Variants in SHROOM3 observed in about 807,000 individuals in gnomAD.
SHROOM3 encodes the protein protein Shroom3.
A neutral mutation model predicts 138.6 loss-of-function variants in SHROOM3; 47 were observed. The ratio of observed to expected loss-of-function variants is 0.34; its 90% confidence interval spans 0.27 to 0.43. SHROOM3 has a LOEUF of 0.43. Among genes scored for constraint, SHROOM3 ranks in the 20% least tolerant of loss-of-function variants. The pLI, the probability that SHROOM3 is intolerant of heterozygous loss-of-function variation, is 1.00. For synonymous variants in SHROOM3, 1,062 were observed against 1,063.3 expected, an observed-to-expected ratio of 1.00 and a Z score of 0.02; for missense variants, 2,491 against 2,596.5, an observed-to-expected ratio of 0.96 and a Z score of 0.88.
At chr4:76,709,784 A>G (rs1450122467) in intron 2 of SHROOM3, 1 of 282,976 alleles carries the variant, frequency 3.5e-6, no homozygotes, top group African/African-American at 2.3e-5. Context: ...CTCGTTTGAC[A>G]GTTTGCTTCA....
chr4:76,628,093 A>C (rs933071003), intron 2 of SHROOM3, among the ~76,000 whole-genome samples: 1 of 152,234 alleles, frequency 6.6e-6, no homozygotes, highest in African/African-American at 2.4e-5. Flanking sequence ...ATGAAAAGGC[A>C]TTGAAAATAT....
Position 76,741,813 on chromosome 4 carries a change from G to T in SHROOM3, c.3640G>T (p.Ala1214Ser). Residue 1214 changes from alanine (A) to serine (S), a missense_variant, in exon 5 of 11, where the codon GCC becomes TCC. Around this residue, in one of 4 missense-constraint regions of SHROOM3, gnomAD observed 1,733 missense variants for 1,661.6 expected, o/e 1.04. Transcript: ENST00000296043. This position sits in a 1 kb window ranked among gnomAD's most constrained non-coding sequence, Gnocchi z 6.2. Reference sequence around the variant, plus strand: ...CCCCAGGGAGCCATCCTCCTGGGGGGCCAGGGCCGGGAAGTCCATGTCGGC... The same window carrying T: ...CCCCAGGGAGCCATCCTCCTGGGGGTCCAGGGCCGGGAAGTCCATGTCGGC... ...ETPREPSSWGARAGKSMSAED... is the reference protein window; with the variant it reads ...ETPREPSSWGSRAGKSMSAED... 1.3e-6 allele frequency: 2 copies of T among 1,588,434 alleles called. No individual in the cohort carries two copies. Among genetic ancestry groups the T allele is most frequent in the East Asian group, 4.6e-5 (2 of 43,844 alleles).
chr4:76,703,752 T>G (rs1218788299), intron 2 of SHROOM3, among the ~76,000 whole-genome samples: 3 of 152,088 alleles, frequency 2.0e-5, no homozygotes, highest in Non-Finnish European at 4.4e-5. Context: ...GAACGTGGCT[T>G]TAAATAAGAC....
At chr4:76,663,522 C>G (rs1262003900) in intron 2 of SHROOM3, among the ~76,000 whole-genome samples, 1 of 152,086 alleles carries the variant, frequency 6.6e-6, no homozygotes, top group Non-Finnish European at 1.5e-5. Flanking sequence ...AGCAAAGAAG[C>G]CCAATCTCTC....
In SHROOM3 at chr4:76,589,206, G is replaced by A. The variant is rs562139678; in HGVS notation, c.323+33443G>A. 3.3e-5 allele frequency among the ~76,000 whole-genome samples: 5 copies of A among 152,330 alleles called. No individual in the cohort carries two copies. The East Asian group carries it at 7.7e-4, about 23-fold the overall frequency. On this transcript the variant is annotated intron_variant, in intron 2 of 10. Coordinates refer to ENST00000296043, the MANE Select transcript of SHROOM3 (RefSeq NM_020859.4). ...CTCCTAGCTGGGTGCGGTGGCTGAC[G>A]CCTGTAATCCCAGCACTTTGGGAGG... is the stretch of plus-strand genomic sequence containing the variant.
intron 9 of SHROOM3, among the ~76,000 whole-genome samples, chr4:76,760,356 T>C (rs1721951240): frequency 6.6e-6 from 1 of 152,194 alleles, no homozygotes; most frequent in African/African-American, 2.4e-5. Flanking sequence ...GGGCTGTGTC[T>C]GCAGGGGAGA....
Position 76,544,677 on chromosome 4 carries a change from G to A in SHROOM3, c.169-10932G>A, listed in dbSNP as rs144808168. ...CTCCCAAAGTGCTGGGATTACAGGC[G>A]TGAGCCACTGCACCTGGCTGGTTTA... On this transcript the variant is annotated intron_variant, in intron 1 of 10. Transcript: ENST00000296043. Among the ~76,000 whole-genome samples the A allele has an allele frequency of 6.2e-3, 938 of 152,230 alleles. 6 individuals carry two copies. Among genetic ancestry groups the A allele is most frequent in the South Asian group, 0.02 (95 of 4,822 alleles).
At chr4:76,436,866 G>A (rs905504982) in intron 1 of SHROOM3, among the ~76,000 whole-genome samples, 3 of 152,104 alleles carry the variant, frequency 2.0e-5, no homozygotes, top group Non-Finnish European at 2.9e-5. Flanking sequence ...ATGTACTGGG[G>A]TTAATATTTC....
intron 1 of SHROOM3, among the ~76,000 whole-genome samples, chr4:76,467,207 T>C (rs1482946337): frequency 6.6e-6 from 1 of 152,080 alleles, no homozygotes; most frequent in Non-Finnish European, 1.5e-5. Context: ...CAGACCCAGC[T>C]AATTTTTTTA....
At chr4:76,484,599 A>G (rs540222857) in intron 1 of SHROOM3, among the ~76,000 whole-genome samples, 2 of 148,516 alleles carry the variant, frequency 1.3e-5, no homozygotes, top group South Asian at 2.1e-4. Flanking sequence ...AAACAAACAA[A>G]CAAACAAACA....
chr4:76,646,904 C>T (rs147649375), intron 2 of SHROOM3, among the ~76,000 whole-genome samples: 1 of 152,276 alleles, frequency 6.6e-6, no homozygotes, highest in East Asian at 1.9e-4. Flanking sequence ...TTTGAGCCAG[C>T]AATCCCACTA....
chr4:76,657,190 G>A (rs200360069), intron 2 of SHROOM3, among the ~76,000 whole-genome samples: 2 of 144,870 alleles, frequency 1.4e-5, no homozygotes, highest in African/African-American at 5.3e-5. Context: ...TCTCTCTCTC[G>A]CTCTCTCTCT....
chr4:76,571,949 C>G (rs907757523), intron 2 of SHROOM3, among the ~76,000 whole-genome samples: 4 of 152,098 alleles, frequency 2.6e-5, no homozygotes, highest in African/African-American at 9.7e-5. Context: ...TGTCTTTGTG[C>G]TCTGCTATTA....
chr4:76,724,678 T>C (rs1254247904), intron 3 of SHROOM3, among the ~76,000 whole-genome samples: 1 of 152,200 alleles, frequency 6.6e-6, no homozygotes, highest in East Asian at 1.9e-4. Context: ...TTTCCCCACA[T>C]ACTGTAGCAG....
intron 2 of SHROOM3, among the ~76,000 whole-genome samples, chr4:76,666,369 A>G (rs1041174834): frequency 1.3e-5 from 2 of 152,142 alleles, no homozygotes; most frequent in Non-Finnish European, 2.9e-5. Context: ...CCAGGTCTCA[A>G]ATGATCCTCC....
rs150817297 is a variant in SHROOM3 at position 76,478,892 on chromosome 4, A to G, written c.168+42672A>G. ...AGCAGACCTGCAGCAGAGGGGCCGG[A>G]CTGTTAGAAGGAAAACTAATAAACA... On this transcript the variant is annotated intron_variant, in intron 1 of 10. Coordinates refer to ENST00000296043, the MANE Select transcript of SHROOM3 (RefSeq NM_020859.4). Among the ~76,000 whole-genome samples, 574 of 152,282 alleles carry G rather than the reference A, an allele frequency of 3.8e-3. 4 individuals are homozygous for G. The highest frequency in any genetic ancestry group is 0.013 in the African/African-American group (552 of 41,550).
At chr4:76,533,510 A>C (rs1191248274) in intron 1 of SHROOM3, among the ~76,000 whole-genome samples, 1 of 152,198 alleles carries the variant, frequency 6.6e-6, no homozygotes, top group African/African-American at 2.4e-5. Flanking sequence ...CAGCTGCTCC[A>C]GTAGCTCAGC....
Position 76,740,250 on chromosome 4 carries a change from C to G in SHROOM3, c.2077C>G (p.Pro693Ala), listed in dbSNP as rs767050015. 2.5e-6 allele frequency: 4 copies of G among 1,613,236 alleles called. No individual in the cohort carries two copies. Among genetic ancestry groups the G allele is most frequent in the Middle Eastern group, 1.6e-4 (1 of 6,062 alleles). The change falls in exon 5 of 11, where the codon CCC (proline) becomes GCC (alanine). Residue 693 changes from proline to alanine, a missense_variant. Pro to Ala is a conservative substitution (Grantham distance 27). This residue lies in a region of SHROOM3 where 1,733 missense variants were observed against 1,661.6 expected (regional missense o/e 1.04). Transcript: ENST00000296043. This position sits in a 1 kb window ranked among gnomAD's most constrained non-coding sequence, Gnocchi z 4.0. ...CCAGGAGGGTTACCCCGGGGGCAGGCCCACCTGTGCAGTCAACACCAAGGC... is the reference window on the plus strand; with the variant it reads ...CCAGGAGGGTTACCCCGGGGGCAGGGCCACCTGTGCAGTCAACACCAAGGC... ...GTQEGYPGGR[P>A]TCAVNTKAED... is the part of the protein sequence containing the mutation.
At chr4:76,776,868 C>T (rs896066060) in intron 10 of SHROOM3, among the ~76,000 whole-genome samples, 1 of 152,056 alleles carries the variant, frequency 6.6e-6, no homozygotes, top group African/African-American at 2.4e-5. Flanking sequence ...CCTTTCTTCA[C>T]TTTGTTTTTG....
Sources: gnomAD v4.1 joint callset for allele counts (sites outside exome capture counted in the v4.1 genomes callset) on GRCh38, gnomAD v4.1.1 for gene constraint, gnomAD v4.1.1 regional missense constraint, Gnocchi (gnomAD v3.1) non-coding constraint, MANE v1.5 for transcripts, NCBI Gene and HGNC (gene_info 2026-07-23, HGNC 2026-07-21) for gene names.